Variants in ELFN2 observed in about 807,000 individuals in gnomAD.
The protein encoded by ELFN2 is extracellular leucine rich repeat and fibronectin type III domain containing 2.
ELFN2 carries 17 observed loss-of-function variants against 45.5 expected under a neutral mutation model. The ratio of observed to expected loss-of-function variants is 0.37; its 90% CI spans 0.26 to 0.56. ELFN2 has a LOEUF of 0.56. ELFN2 is among the 20% of genes least tolerant of loss of function. The pLI is 0.77. For synonymous variants in ELFN2, 550 were observed against 551.5 expected (o/e 1.00, Z 0.04); for missense variants, 922 against 1,183.2 (o/e 0.78, Z 3.24).
chr22:37,385,823 C>T (rs1343375646), intron 2 of ELFN2, among the ~76,000 whole-genome samples: 6 of 152,220 alleles, frequency 3.9e-5, no homozygotes. Flanking sequence ...AGGATACTAA[C>T]AGCATGGATC....
chr22:37,390,586 C>A (rs1261089958), intron 2 of ELFN2, among the ~76,000 whole-genome samples: 1 of 127,788 alleles, frequency 7.8e-6, no homozygotes, highest in African/African-American at 3.1e-5. Flanking sequence ...CCAGAGGGTT[C>A]AAAGGCATCC....
chr22:37,382,304 T>TC, intron 2 of ELFN2, among the ~76,000 whole-genome samples: 1 of 147,024 alleles, frequency 6.8e-6, no homozygotes, highest in East Asian at 2.0e-4. Context: ...CTTTTTTTTT[T>TC]CCTTTTCTTT....
intron 2 of ELFN2, among the ~76,000 whole-genome samples, chr22:37,380,782 G>A (rs1426561751): frequency 2.0e-5 from 3 of 152,138 alleles, no homozygotes; most frequent in African/African-American, 7.2e-5. Flanking sequence ...ACCAGGACAG[G>A]AACTCTGCCC....
At position 37,373,763 on chromosome 22, in the gene ELFN2, G is replaced by C; in HGVS notation, c.1772C>G (p.Thr591Ser). The change falls in exon 3 of 3, where the codon ACT becomes AGT. Residue 591 changes from threonine (T) to serine (S), a missense_variant. Transcript: ENST00000402918. ...LPAAAAASSA[T>S]GPGALERPSF... Reference sequence around the variant, plus strand: ...GGGCCGCTCCAGGGCCCCGGGGCCAGTGGCTGAGGAGGCGGCAGCAGCTGC... The same window carrying C: ...GGGCCGCTCCAGGGCCCCGGGGCCACTGGCTGAGGAGGCGGCAGCAGCTGC... 1 of 1,582,576 alleles carries C rather than the reference G, an allele frequency of 6.3e-7. No individual in the cohort carries two copies. The highest frequency in any genetic ancestry group is 8.5e-7 in the Non-Finnish European group (1 of 1,170,514).
At chr22:37,424,156 C>T (rs963011279) in intron 1 of ELFN2, among the ~76,000 whole-genome samples, 1 of 152,094 alleles carries the variant, frequency 6.6e-6, no homozygotes, top group Non-Finnish European at 1.5e-5. Flanking sequence ...GTGGCCGGAG[C>T]AGGTGAGGGT....
At chr22:37,356,794 C>T (rs1029417020) in intron 1 of ELFN2, among the ~76,000 whole-genome samples, 2 of 152,114 alleles carry the variant, frequency 1.3e-5, no homozygotes, top group Admixed American at 1.3e-4. Context: ...GCTGGTAAGT[C>T]CAGAGCAGGA....
At chr22:37,393,971 A>G (rs956353824) in intron 2 of ELFN2, among the ~76,000 whole-genome samples, 3 of 152,132 alleles carry the variant, frequency 2.0e-5, no homozygotes, top group Non-Finnish European at 2.9e-5. Context: ...CACCGCCAGC[A>G]TCACTCCTGC....
chr22:37,366,846 C>T (rs910239613), downstream of ELFN2, among the ~76,000 whole-genome samples: 9 of 152,208 alleles, frequency 5.9e-5, no homozygotes, highest in Non-Finnish European at 1.0e-4. Flanking sequence ...TGTGAGGGCA[C>T]GTGGAAGGGA....
rs568828799 is a variant in ELFN2 at position 37,369,177 on chromosome 22, G to A, written c.*3895C>T. On this transcript the variant is annotated 3_prime_UTR_variant, in exon 3 of 3. Coordinates refer to ENST00000402918, the MANE Select transcript of ELFN2 (RefSeq NM_052906.5). ...CTAGGTCTCCTTTCCTCTCCTTTCC[G>A]TCTCTGCACTTCTGTTCACCCCGCT... is the stretch of plus-strand genomic sequence containing the variant. 3.9e-5 allele frequency: 6 copies of A among 151,950 alleles called. No homozygotes were observed. The highest frequency in any genetic ancestry group is 1.3e-4 in the Admixed American group (2 of 15,254). 9.4% of individuals were successfully genotyped at this position (151,950 alleles called of 1,614,324 possible).
At position 37,427,472 on chromosome 22, in the gene ELFN2, G is replaced by C. The variant is rs1932863078; in HGVS notation, c.-788C>G. On this transcript the variant is annotated 5_prime_UTR_variant, in exon 1 of 3. Coordinates refer to ENST00000402918, the MANE Select transcript of ELFN2 (RefSeq NM_052906.5). ...TGTGTGTCTGGGAGCGCGCGTGTGC[G>C]CGCAGACGCCGCCGCCCCCTCCTCC... The C allele has an allele frequency of 6.6e-6, 1 of 152,270 alleles. No homozygotes were observed. The highest frequency in any genetic ancestry group is 6.5e-5 in the Admixed American group (1 of 15,274). 9.4% of individuals were successfully genotyped at this position (152,270 alleles called of 1,614,324 possible).
chr22:37,341,863 A>G (rs1930567172), intron 2 of ELFN2, among the ~76,000 whole-genome samples: 1 of 152,192 alleles, frequency 6.6e-6, no homozygotes, highest in South Asian at 2.1e-4. Context: ...GAAGAGGCAC[A>G]AATGAGATAA....
At chr22:37,385,777 T>A (rs1199549351) in intron 2 of ELFN2, among the ~76,000 whole-genome samples, 1 of 152,158 alleles carries the variant, frequency 6.6e-6, no homozygotes, top group African/African-American at 2.4e-5. Context: ...CCCCCTCCCC[T>A]ATCCTCCTGA....
intron 2 of ELFN2, among the ~76,000 whole-genome samples, chr22:37,411,449 C>T (rs1932647344): frequency 6.6e-6 from 1 of 152,158 alleles, no homozygotes; most frequent in Non-Finnish European, 1.5e-5. Context: ...GAGTCCCAGC[C>T]CTGGGTGAGG....
chr22:37,381,814 A>T (rs1931780185), intron 2 of ELFN2, among the ~76,000 whole-genome samples: 1 of 151,880 alleles, frequency 6.6e-6, no homozygotes, highest in African/African-American at 2.4e-5. Context: ...GAGATCCTGG[A>T]TCCCCTGACT....
At chr22:37,426,613 A>G (rs1162869642) in intron 1 of ELFN2, among the ~76,000 whole-genome samples, 4 of 126,560 alleles carry the variant, frequency 3.2e-5, no homozygotes, top group South Asian at 2.7e-4. Context: ...ACACGCACGC[A>G]CACACACACA....
At chr22:37,376,628 G>A (rs1200159489) in intron 2 of ELFN2, among the ~76,000 whole-genome samples, 3 of 152,202 alleles carry the variant, frequency 2.0e-5, no homozygotes, top group Non-Finnish European at 4.4e-5. Context: ...GGGAGGGGGA[G>A]CAGAATATCG....
chr22:37,408,214 G>A (rs1403101652), intron 2 of ELFN2, among the ~76,000 whole-genome samples: 2 of 152,218 alleles, frequency 1.3e-5, no homozygotes, highest in Non-Finnish European at 2.9e-5. Context: ...CACAATGGAT[G>A]TACCAGATAG....
At chr22:37,418,409 G>A (rs1053034855) in intron 1 of ELFN2, among the ~76,000 whole-genome samples, 4 of 151,924 alleles carry the variant, frequency 2.6e-5, no homozygotes, top group African/African-American at 9.7e-5. Context: ...GGAGGAGCAG[G>A]CACAGATGAG....
rs1932770826 is a variant in ELFN2, at chr22:37,417,360, C to T, written c.-463+409G>A. ...GGACAGACCCCCACCTGAGCGAGAC[C>T]CCCACCATGTTGTCCCAGGCCTTCC... On this transcript the variant is annotated intron_variant, in intron 2 of 2. Transcript: ENST00000402918. The surrounding 1 kb of genome is among the most constrained non-coding windows in gnomAD (Gnocchi z 4.5). Among the ~76,000 whole-genome samples, 2 of 152,172 alleles carry T rather than the reference C, an allele frequency of 1.3e-5. No individual in the cohort carries two copies. The highest frequency in any genetic ancestry group is 4.1e-4 in the South Asian group (2 of 4,832).
Sources: gnomAD v4.1 joint callset for allele counts (sites outside exome capture counted in the v4.1 genomes callset) on GRCh38, gnomAD v4.1.1 for gene constraint, Gnocchi (gnomAD v3.1) non-coding constraint, MANE v1.5 for transcripts, NCBI Gene and HGNC (gene_info 2026-07-23, HGNC 2026-07-21) for gene names.